The following TNC variants were observed in gnomAD, a reference collection of about 807,000 sequenced individuals.
The protein encoded by TNC is tenascin.
Under a neutral mutation model 202.4 loss-of-function variants are expected in TNC, and 109 were observed. That is an observed-to-expected ratio of 0.54 (90% CI 0.46 to 0.63). The LOEUF is 0.63. TNC is among the 30% of genes least tolerant of loss of function. TNC has a pLI of 0.00. For synonymous variants in TNC, 1,007 were observed against 1,089.7 expected (o/e 0.92, Z 1.50); for missense variants, 2,756 against 2,833.3 (o/e 0.97, Z 0.62).
At chr9:115,021,844 TTTTC>T (rs1330533695) in intron 27 of TNC, among the ~76,000 whole-genome samples, 1 of 152,234 alleles carries the variant, frequency 6.6e-6, no homozygotes. Context: ...TACTATTTTT[TTTTC>T]TTTCTTAAGA....
chr9:115,035,797 C>T (rs1031289363), intron 21 of TNC: 13 of 328,046 alleles, frequency 4.0e-5, no homozygotes, highest in African/African-American at 6.3e-5. Context: ...CTGCCTGGAA[C>T]GTGGATCATT....
intron 17 of TNC, among the ~76,000 whole-genome samples, chr9:115,045,755 T>C (rs1370234872): frequency 6.6e-6 from 1 of 151,718 alleles, no homozygotes; most frequent in Non-Finnish European, 1.5e-5. Context: ...GTAATTAAAC[T>C]CCAAGGACAC....
At position 115,090,831 on chromosome 9, in the gene TNC, T is replaced by C; in HGVS notation, c.188A>G (p.Gln63Arg). The change falls in exon 2 of 28, where the codon CAG (glutamine) becomes CGG (arginine). Residue 63 changes from glutamine to arginine, a missense_variant. By Grantham distance (43) the Gln-to-Arg change is conservative (BLOSUM62 1). Around this residue, in one of 2 missense-constraint regions of TNC, gnomAD observed 2,559 missense variants for 2,546.0 expected, o/e 1.01. Transcript: ENST00000350763. The part of the protein sequence containing the change: ...VYNIKLPVGS[Q>R]CSVDLESASG... ...GGCTGACTCCAGATCCACCGAACACTGGGATCCCACTGGCAGCTTGATGTT... is the reference window on the plus strand; with the variant it reads ...GGCTGACTCCAGATCCACCGAACACCGGGATCCCACTGGCAGCTTGATGTT... The C allele has an allele frequency of 6.2e-7, 1 of 1,614,196 alleles. No homozygotes were observed. Among genetic ancestry groups the C allele is most frequent in the South Asian group, 1.1e-5 (1 of 91,084 alleles).
At chr9:115,033,229 T>C (rs1830076580) in intron 22 of TNC, among the ~76,000 whole-genome samples, 1 of 152,180 alleles carries the variant, frequency 6.6e-6, no homozygotes, top group African/African-American at 2.4e-5. Flanking sequence ...TGATTTTTTT[T>C]CTAAGACATG....
chr9:115,029,878 G>A (rs553320924), intron 24 of TNC, among the ~76,000 whole-genome samples: 33 of 152,222 alleles, frequency 2.2e-4, no homozygotes, highest in Non-Finnish European at 3.4e-4. Context: ...ATGGTAATGG[G>A]GTCGGAATAA....
chr9:115,043,733 G>GA (rs1192465070), intron 17 of TNC, among the ~76,000 whole-genome samples: 1 of 105,226 alleles, frequency 9.5e-6, no homozygotes, highest in African/African-American at 4.5e-5. Flanking sequence ...GTCTAACTGG[G>GA]AAAAAACAAA....
At position 115,029,507 on chromosome 9, in the gene TNC, G is replaced by A. The variant is rs757023846; in HGVS notation, c.6073-51C>T. The A allele has an allele frequency of 1.5e-5, 24 of 1,557,488 alleles. No homozygotes were observed. In the South Asian group the frequency reaches 2.7e-4, roughly 17 times the overall value. On this transcript the variant is annotated intron_variant, in intron 24 of 27. Transcript: ENST00000350763. ...TGTACTTAAGCTATTGCAGGAAAGA[G>A]GGCATCGTTGTGAGAGGAAGGAGTG... is the stretch of plus-strand genomic sequence containing the variant.
intron 6 of TNC, among the ~76,000 whole-genome samples, chr9:115,081,555 G>A (rs971512606): frequency 6.6e-6 from 1 of 152,170 alleles, no homozygotes. Flanking sequence ...GATACATGAG[G>A]AGTGCAGTCA....
intron 6 of TNC, among the ~76,000 whole-genome samples, chr9:115,079,636 T>TA (rs749844197): frequency 5.9e-5 from 9 of 152,314 alleles, no homozygotes; most frequent in Non-Finnish European, 1.3e-4. Flanking sequence ...GGTGCTTTGT[T>TA]ATTTATGTCT....
chr9:115,057,312 C>A lies in TNC; in HGVS notation c.4420G>T (p.Asp1474Tyr). Residue 1474 changes from aspartate to tyrosine, a missense_variant, in exon 15 of 28, where the codon GAT becomes TAT. Coordinates refer to ENST00000350763, the MANE Select transcript of TNC (RefSeq NM_002160.4). ...IFETFTIEII[D>Y]SNRLLETVEY... ...ACAGTCTCCAGCAACCTATTGGAAT[C>A]AATAATTTCAATGGTAAAGGTCTCG... is the stretch of plus-strand genomic sequence containing the variant. 6.2e-7 allele frequency: 1 copy of A among 1,614,068 alleles called. No homozygotes were observed. The highest frequency in any genetic ancestry group is 8.5e-7 in the Non-Finnish European group (1 of 1,180,024).
At chr9:115,045,541 ATTTTTTTT>A (rs61415443) in intron 17 of TNC, among the ~76,000 whole-genome samples, 206 of 110,124 alleles carry the variant, frequency 1.9e-3, no homozygotes, top group East Asian at 1.4e-3. Flanking sequence ...TAAGTTTTTG[ATTTTTTTT>A]TTTTTTTTTT....
chr9:115,063,772 A>T (rs766855921), intron 12 of TNC, 24 bp downstream of exon 12: 8 of 1,596,958 alleles, frequency 5.0e-6, no homozygotes, highest in Middle Eastern at 1.7e-4. Flanking sequence ...GGAGGAAGTG[A>T]ATTAGTGAAT....
intron 10 of TNC, among the ~76,000 whole-genome samples, chr9:115,071,125 G>A (rs999380383): frequency 2.6e-5 from 4 of 152,174 alleles, no homozygotes; most frequent in African/African-American, 9.7e-5. Context: ...AGTAACCCCA[G>A]AACTTAGCAC....
chr9:115,104,307 A>G (rs925222894), intron 1 of TNC, among the ~76,000 whole-genome samples: 1 of 152,360 alleles, frequency 6.6e-6, no homozygotes, highest in East Asian at 1.9e-4. Context: ...AGATTTATCT[A>G]GGAAGAACCG....
Position 115,064,914 on chromosome 9 carries a change from C to T in TNC, c.3220G>A (p.Ala1074Thr). The change falls in exon 11 of 28, where the codon GCC becomes ACC. Residue 1074 changes from alanine (A) to threonine (T), a missense_variant. Ala to Thr is a moderately conservative substitution (Grantham distance 58). Coordinates refer to ENST00000350763, the MANE Select transcript of TNC (RefSeq NM_002160.4). The stretch of plus-strand genomic sequence containing the variant: ...ACGGTGAGGTTTTCCAGCTCAGGGG[C>T]TTGTTCTGAATAATGACAGAGATGG... Reference protein sequence around the residue: ...PARVKASTEQAPELENLTVTE... With the variant: ...PARVKASTEQTPELENLTVTE... The T allele has an allele frequency of 6.2e-7, 1 of 1,613,474 alleles. No homozygotes were observed. The highest frequency in any genetic ancestry group is 8.5e-7 in the Non-Finnish European group (1 of 1,179,672).
intron 1 of TNC, among the ~76,000 whole-genome samples, chr9:115,098,392 C>A (rs1038159304): frequency 6.6e-6 from 1 of 152,166 alleles, no homozygotes; most frequent in African/African-American, 2.4e-5. Context: ...TGTTTGGTAG[C>A]TAACCTTTTG....
At chr9:115,051,671 A>T (rs1219362482) in intron 15 of TNC, among the ~76,000 whole-genome samples, 1 of 152,006 alleles carries the variant, frequency 6.6e-6, no homozygotes, top group African/African-American at 2.4e-5. Context: ...TTATTTTTTA[A>T]AGAAAAAGAT....
At chr9:115,112,133 T>C (rs1837123381) in intron 1 of TNC, among the ~76,000 whole-genome samples, 1 of 152,198 alleles carries the variant, frequency 6.6e-6, no homozygotes. Flanking sequence ...ACTCTGCTCA[T>C]TTTTCTTTTC....
At position 115,036,285 on chromosome 9, in the gene TNC, C is replaced by T. The variant is rs376012393; in HGVS notation, c.5513-44G>A. On this transcript the variant is annotated intron_variant, in intron 20 of 27. Coordinates refer to ENST00000350763, the MANE Select transcript of TNC (RefSeq NM_002160.4). ...TACCAAGGCAGTCACCTCTCACTGT[C>T]TGAGCCATGAGTGGGCTTGGCAAAC... 107 of 1,605,244 alleles carry T rather than the reference C, an allele frequency of 6.7e-5. 1 individual carries two copies. Among genetic ancestry groups the T allele is most frequent in the African/African-American group, 3.7e-4 (28 of 74,940 alleles).
Sources: gnomAD v4.1 joint callset for allele counts (sites outside exome capture counted in the v4.1 genomes callset) on GRCh38, gnomAD v4.1.1 for gene constraint, gnomAD v4.1.1 regional missense constraint, MANE v1.5 for transcripts, NCBI Gene and HGNC (gene_info 2026-07-23, HGNC 2026-07-21) for gene names.